GRM5: variants seen among roughly 807,000 people sequenced by gnomAD.
GRM5 encodes the protein metabotropic glutamate receptor 5.
GRM5 carries 19 observed loss-of-function variants against 83.1 expected under a neutral mutation model. The ratio of observed to expected loss-of-function variants is 0.23; its 90% CI spans 0.16 to 0.34. The LOEUF is 0.34. Among genes scored for constraint, GRM5 ranks in the 10% least tolerant of loss-of-function variants. The pLI is 1.00. For missense variants in GRM5, 1,160 were observed against 1,588.3 expected, an observed-to-expected ratio of 0.73 and a Z score of 4.58; for synonymous variants, 675 against 633.6, an observed-to-expected ratio of 1.07 and a Z score of -0.98.
chr11:88,796,866 T>C lies in GRM5; in HGVS notation c.911+53040A>G, dbSNP rs144415714. On this transcript the variant is annotated intron_variant, in intron 3 of 9. Coordinates refer to ENST00000305447, the MANE Select transcript of GRM5 (RefSeq NM_001143831.3). ...AGGTGCCTGTATTTCTTTTTGTGAT[T>C]ACCTAGATGAAAGGAAAGTACACAC... is the stretch of plus-strand genomic sequence containing the variant. 7.3e-5 allele frequency among the ~76,000 whole-genome samples: 11 copies of C among 150,364 alleles called. No individual in the cohort carries two copies. In the East Asian group the frequency reaches 2.2e-3, roughly 30 times the overall value.
intron 7 of GRM5, among the ~76,000 whole-genome samples, chr11:88,580,977 ATGCGCC>A (rs1405694174): frequency 4.6e-5 from 7 of 152,120 alleles, no homozygotes; most frequent in Non-Finnish European, 8.8e-5. Flanking sequence ...GCATGGTGGC[ATGCGCC>A]TGTAGTCACA....
intron 3 of GRM5, among the ~76,000 whole-genome samples, chr11:88,796,131 T>C (rs893104052): frequency 6.6e-6 from 1 of 152,114 alleles, no homozygotes; most frequent in Middle Eastern, 3.2e-3. Context: ...CCAACGTAAT[T>C]TAAAATAAGT....
chr11:89,063,027 C>A (rs1942025914), intron 1 of GRM5, among the ~76,000 whole-genome samples: 1 of 152,262 alleles, frequency 6.6e-6, no homozygotes, highest in African/African-American at 2.4e-5. Context: ...GCTTTCAGCA[C>A]CACCCGCTGT....
intron 2 of GRM5, among the ~76,000 whole-genome samples, chr11:88,853,714 T>A (rs66665062): frequency 0.051 from 3,046 of 59,340 alleles, 37 homozygotes; most frequent in Non-Finnish European, 0.073. Flanking sequence ...AATAAAAAAA[T>A]AAACTAGCAT....
intron 4 of GRM5, among the ~76,000 whole-genome samples, chr11:88,648,709 A>AT: frequency 6.6e-6 from 1 of 151,994 alleles, no homozygotes; most frequent in Admixed American, 6.6e-5. Context: ...GTTTTGTAAT[A>AT]TTTGTAAGAA....
chr11:88,691,571 T>C (rs767303291), intron 3 of GRM5, among the ~76,000 whole-genome samples: 1 of 152,184 alleles, frequency 6.6e-6, no homozygotes, highest in Non-Finnish European at 1.5e-5. Context: ...CACCTTCTCT[T>C]TGCTATGTCT....
rs1392169714 is a variant in GRM5 at position 88,597,440 on chromosome 11, T to A, written c.1395-88A>T. On this transcript the variant is annotated intron_variant, in intron 5 of 9. Coordinates refer to ENST00000305447, the MANE Select transcript of GRM5 (RefSeq NM_001143831.3). ...AATATATTTTATTCCCAAAAATGTG[T>A]CTATTGTCATATAAGTAGCACTGGA... 5 of 676,644 alleles carry A rather than the reference T, an allele frequency of 7.4e-6. No individual in the cohort carries two copies. In the East Asian group the frequency reaches 1.4e-4, roughly 19 times the overall value. 41.9% of individuals were successfully genotyped at this position (676,644 alleles called of 1,614,324 possible).
chr11:88,592,179 T>A (rs1937655302), intron 6 of GRM5, among the ~76,000 whole-genome samples: 1 of 152,188 alleles, frequency 6.6e-6, no homozygotes, highest in Admixed American at 6.6e-5. Context: ...AGCCACTAAG[T>A]AGTTGTGCAG....
intron 3 of GRM5, among the ~76,000 whole-genome samples, chr11:88,752,613 T>C (rs1046127596): frequency 1.4e-4 from 21 of 152,316 alleles, no homozygotes; most frequent in African/African-American, 5.1e-4. Flanking sequence ...TTAAATTTCA[T>C]ATGAAACCAA....
At chr11:88,673,683 G>A (rs971301126) in intron 3 of GRM5, among the ~76,000 whole-genome samples, 1 of 151,700 alleles carries the variant, frequency 6.6e-6, no homozygotes, top group African/African-American at 2.4e-5. Flanking sequence ...GCCCCCAAAT[G>A]GTTTAACTGT....
chr11:88,543,233 G>A (rs1455384259), intron 8 of GRM5, among the ~76,000 whole-genome samples: 2 of 152,214 alleles, frequency 1.3e-5, no homozygotes, highest in African/African-American at 4.8e-5. Flanking sequence ...GATAAGAGCT[G>A]ATTAAGTGAA....
intron 4 of GRM5, among the ~76,000 whole-genome samples, chr11:88,618,887 G>T (rs572988417): frequency 1.3e-5 from 2 of 152,150 alleles, no homozygotes; most frequent in Non-Finnish European, 2.9e-5. Flanking sequence ...TAGCCATGAG[G>T]TTCTGTACTA....
At chr11:88,967,250 T>TATATATATATATATATACAC (rs1555050439) in intron 2 of GRM5, among the ~76,000 whole-genome samples, 284 of 2,038 alleles carry the variant, frequency 0.14, 2 homozygotes, top group African/African-American at 0.39. Context: ...TATATACACA[T>TATATATATATATATATACAC]ATATATATAT....
At chr11:89,017,585 C>T (rs1323149674) in intron 2 of GRM5, among the ~76,000 whole-genome samples, 4 of 152,152 alleles carry the variant, frequency 2.6e-5, no homozygotes, top group African/African-American at 7.2e-5. Context: ...AATGATAACT[C>T]CCACTTACAA....
chr11:88,907,340 C>A (rs1292204392), intron 2 of GRM5, among the ~76,000 whole-genome samples: 1 of 152,138 alleles, frequency 6.6e-6, no homozygotes, highest in African/African-American at 2.4e-5. Context: ...ACAGGAGTCT[C>A]CTCCTCTTGC....
At chr11:88,716,233 G>A (rs547708849) in intron 3 of GRM5, among the ~76,000 whole-genome samples, 1 of 152,008 alleles carries the variant, frequency 6.6e-6, no homozygotes, top group East Asian at 1.9e-4. Flanking sequence ...GAAAGAGCAT[G>A]GATTATGTTG....
intron 2 of GRM5, among the ~76,000 whole-genome samples, chr11:88,985,193 C>T (rs1342840663): frequency 1.3e-5 from 2 of 152,076 alleles, no homozygotes; most frequent in Non-Finnish European, 2.9e-5. Context: ...AAACTATTTT[C>T]ATACCCACAA....
At position 88,590,707 on chromosome 11, in the gene GRM5, G is replaced by T. The variant is rs1008688144; in HGVS notation, c.1584C>A (p.Val528=). 3.7e-6 allele frequency: 6 copies of T among 1,611,404 alleles called. No individual in the cohort carries two copies. Among genetic ancestry groups the T allele is most frequent in the Non-Finnish European group, 5.1e-6 (6 of 1,177,734 alleles). Residue 528 remains valine (V), a synonymous_variant, in exon 7 of 10, where the codon GTC becomes GTA. Coordinates refer to ENST00000305447, the MANE Select transcript of GRM5 (RefSeq NM_001143831.3). ...GQIKVIRKGE[V]SCCWTCTPCK... is the part of the protein sequence containing the mutation. Reference sequence around the variant, plus strand: ...AAGGTGTACAGGTCCAACAACAGCTGACTTCTCCCTTTCGGATCACCTAAG... The same window carrying T: ...AAGGTGTACAGGTCCAACAACAGCTTACTTCTCCCTTTCGGATCACCTAAG...
chr11:88,919,238 CTATATA>C (rs147135169), intron 2 of GRM5, among the ~76,000 whole-genome samples: 906 of 32,414 alleles, frequency 0.028, 151 homozygotes, highest in African/African-American at 0.046. Context: ...GCAGGAGTAG[CTATATA>C]TATATATATA....
Sources: allele counts gnomAD v4.1 joint callset (sites outside exome capture counted in the v4.1 genomes callset), GRCh38; gene constraint gnomAD v4.1.1; transcripts MANE v1.5; gene names NCBI Gene and HGNC (gene_info 2026-07-23, HGNC 2026-07-21).